Variants in PPP3CC observed in about 807,000 individuals in gnomAD.
PPP3CC encodes protein phosphatase 3 catalytic subunit gamma.
In PPP3CC, 35 loss-of-function variants were observed where a neutral mutation model predicts 60.3. That is an observed-to-expected ratio of 0.58 (90% CI 0.44 to 0.77). The LOEUF is 0.77. PPP3CC is among the 30% of genes least tolerant of loss of function. The pLI is 0.00. For synonymous variants in PPP3CC, 206 were observed against 224.3 expected, an observed-to-expected ratio of 0.92 and a Z score of 0.73; for missense variants, 570 against 628.9, an observed-to-expected ratio of 0.91 and a Z score of 1.00.
At chr8:22,498,852 C>T (rs376105555) in intron 4 of PPP3CC, among the ~76,000 whole-genome samples, 2 of 152,140 alleles carry the variant, frequency 1.3e-5, no homozygotes, top group Non-Finnish European at 2.9e-5. Context: ...TGGCCGGGTG[C>T]GGTGGCTCAC....
chr8:22,499,850 C>G (rs191718777), intron 4 of PPP3CC, among the ~76,000 whole-genome samples: 1 of 152,298 alleles, frequency 6.6e-6, no homozygotes, highest in African/African-American at 2.4e-5. Flanking sequence ...CCCTCATACC[C>G]TGTTTCTTTT....
intron 1 of PPP3CC, among the ~76,000 whole-genome samples, chr8:22,465,016 G>A (rs1586800199): frequency 6.7e-6 from 1 of 149,440 alleles, no homozygotes; most frequent in African/African-American, 2.5e-5. Flanking sequence ...GGAATGCAGT[G>A]GTGCTATCTT....
At chr8:22,458,717 G>T (rs953740010) in intron 1 of PPP3CC, among the ~76,000 whole-genome samples, 2 of 152,040 alleles carry the variant, frequency 1.3e-5, no homozygotes, top group Non-Finnish European at 2.9e-5. Flanking sequence ...GATATATTTA[G>T]TTATGGAATG....
intron 1 of PPP3CC, among the ~76,000 whole-genome samples, chr8:22,467,680 G>A (rs958450047): frequency 1.3e-5 from 2 of 152,104 alleles, no homozygotes; most frequent in Non-Finnish European, 2.9e-5. Context: ...ACCTGCCTCC[G>A]CCTCCCAATG....
At chr8:22,496,766 G>A (rs1838600641) in intron 3 of PPP3CC, among the ~76,000 whole-genome samples, 1 of 151,948 alleles carries the variant, frequency 6.6e-6, no homozygotes, top group African/African-American at 2.4e-5. Context: ...CCAAGTGCTA[G>A]TATTACAGGT....
At chr8:22,494,697 A>G (rs1300978710) in intron 3 of PPP3CC, among the ~76,000 whole-genome samples, 4 of 152,126 alleles carry the variant, frequency 2.6e-5, no homozygotes, top group African/African-American at 7.2e-5. Context: ...GAGTCTCCCA[A>G]TGCACATGTT....
chr8:22,496,250 C>T (rs1303197617), intron 3 of PPP3CC, among the ~76,000 whole-genome samples: 2 of 151,802 alleles, frequency 1.3e-5, no homozygotes, highest in Non-Finnish European at 2.9e-5. Context: ...TGTTTATCTA[C>T]ATAAGGACCA....
rs534899367 is a variant in PPP3CC, at chr8:22,480,377, T to G, written c.372+4753T>G. Among the ~76,000 whole-genome samples, 6 of 152,328 alleles carry G rather than the reference T, an allele frequency of 3.9e-5. No homozygotes were observed. In the East Asian group the frequency reaches 1.2e-3, roughly 29 times the overall value. On this transcript the variant is annotated intron_variant, in intron 3 of 13. Transcript: ENST00000240139. ...TACCATTTAACAGTTTCTTATATAATTTACTAAATGAGCCTGATCATTTCA... is the reference window on the plus strand; with the variant it reads ...TACCATTTAACAGTTTCTTATATAAGTTACTAAATGAGCCTGATCATTTCA...
At chr8:22,457,585 G>T (rs918892078) in intron 1 of PPP3CC, among the ~76,000 whole-genome samples, 1 of 150,176 alleles carries the variant, frequency 6.7e-6, no homozygotes, top group African/African-American at 2.5e-5. Flanking sequence ...TGGAATTACA[G>T]GCATGAGCCA....
intron 4 of PPP3CC, among the ~76,000 whole-genome samples, chr8:22,507,297 A>G (rs1249989448): frequency 1.3e-5 from 2 of 152,216 alleles, no homozygotes; most frequent in African/African-American, 4.8e-5. Flanking sequence ...TAGAACTTGT[A>G]TCAGTGTCAT....
intron 5 of PPP3CC, 51 bp downstream of exon 5, chr8:22,511,282 G>GT (rs761525987): frequency 1.5e-5 from 23 of 1,559,540 alleles, no homozygotes; most frequent in Middle Eastern, 1.8e-4. Flanking sequence ...AATGTGTTGG[G>GT]TTTTTTTGTT....
At chr8:22,474,020 G>T (rs1473439593) in intron 1 of PPP3CC, among the ~76,000 whole-genome samples, 1 of 151,776 alleles carries the variant, frequency 6.6e-6, no homozygotes, top group South Asian at 2.1e-4. Flanking sequence ...TCAGCTTCCC[G>T]AGTAGCTGGG....
chr8:22,516,294 A>G (rs1313383370), intron 6 of PPP3CC, among the ~76,000 whole-genome samples: 2 of 152,196 alleles, frequency 1.3e-5, no homozygotes, highest in African/African-American at 4.8e-5. Flanking sequence ...TGATGAAATC[A>G]TTTAACTTTT....
Position 22,441,443 on chromosome 8 carries a change from G to C in PPP3CC, c.34G>C (p.Asp12His). 1 of 1,546,474 alleles carries C rather than the reference G, an allele frequency of 6.5e-7. No individual in the cohort carries two copies. Among genetic ancestry groups the C allele is most frequent in the Non-Finnish European group, 8.7e-7 (1 of 1,146,114 alleles). The change falls in exon 1 of 14, where the codon GAC becomes CAC. Residue 12 changes from aspartate to histidine, a missense_variant. By Grantham distance (81) the Asp-to-His change is moderately conservative. Coordinates refer to ENST00000240139, the MANE Select transcript of PPP3CC (RefSeq NM_005605.5). ...GAGGCGCTTCCACCTCTCCACCACC[G>C]ACCGCGTCATCAAAGGTGCCTGGCG... ...SGRRFHLSTT[D>H]RVIKAVPFPP...
chr8:22,474,433 G>A (rs1837824763), intron 1 of PPP3CC, among the ~76,000 whole-genome samples: 1 of 151,982 alleles, frequency 6.6e-6, no homozygotes, highest in South Asian at 2.1e-4. Flanking sequence ...GCTGGGCGCA[G>A]TGGCTCACTC....
rs1837304196 is a variant in PPP3CC, at chr8:22,459,460, T to TGTGTGG, written c.50-15489_50-15488insGGTGTG. Among the ~76,000 whole-genome samples the TGTGTGG allele has an allele frequency of 2.6e-5, 4 of 151,840 alleles. No homozygotes were observed. The South Asian group carries it at 8.3e-4, about 32-fold the overall frequency. On this transcript the variant is annotated intron_variant, in intron 1 of 13. Coordinates refer to ENST00000240139, the MANE Select transcript of PPP3CC (RefSeq NM_005605.5). Reference sequence around the variant, plus strand: ...TTCATTATTATCACTTTGTTATGTGTGTGTGTGTGTGTGTGTTTAAAGAGA... The same window carrying TGTGTGG: ...TTCATTATTATCACTTTGTTATGTGTGTGTGGGTGTGTGTGTGTGTGTTTAAAGAGA...
At chr8:22,527,560 T>C (rs1386966131) in intron 9 of PPP3CC, 43 bp downstream of exon 9, 1 of 1,595,294 alleles carries the variant, frequency 6.3e-7, no homozygotes. Context: ...GTTTGGTGAC[T>C]GAGCATACCT....
chr8:22,468,797 C>A (rs2132458060), intron 1 of PPP3CC, among the ~76,000 whole-genome samples: 1 of 152,270 alleles, frequency 6.6e-6, no homozygotes. Flanking sequence ...AATCTATTTT[C>A]AAGAAACTGC....
chr8:22,509,306 A>G (rs1839015016), intron 4 of PPP3CC, among the ~76,000 whole-genome samples: 1 of 152,230 alleles, frequency 6.6e-6, no homozygotes, highest in Admixed American at 6.5e-5. Flanking sequence ...TAGAGATCAC[A>G]AAAAGGAAAT....
Sources: gnomAD v4.1 joint callset for allele counts (sites outside exome capture counted in the v4.1 genomes callset) on GRCh38, gnomAD v4.1.1 for gene constraint, MANE v1.5 for transcripts, NCBI Gene and HGNC (gene_info 2026-07-23, HGNC 2026-07-21) for gene names.